ENKUR: variants seen among roughly 807,000 people sequenced by gnomAD.
ENKUR encodes the protein enkurin.
ENKUR carries 19 observed loss-of-function variants against 27.6 expected under a neutral mutation model. That is an observed-to-expected ratio of 0.69 (90% CI 0.48 to 1.01). ENKUR has a LOEUF of 1.01. ENKUR is among the 50% of genes least tolerant of loss of function. ENKUR has a pLI of 0.00. For missense variants in ENKUR, 312 were observed against 310.5 expected (o/e 1.00, Z -0.04); for synonymous variants, 117 against 96.9 (o/e 1.21, Z -1.22).
intron 1 of ENKUR, among the ~76,000 whole-genome samples, chr10:25,007,451 T>C (rs1260349420): frequency 6.6e-6 from 1 of 152,186 alleles, no homozygotes; most frequent in Non-Finnish European, 1.5e-5. Flanking sequence ...TGTTTATTTA[T>C]TGAGATGGAG....
intron 4 of ENKUR, among the ~76,000 whole-genome samples, 185 bp downstream of exon 4, chr10:24,990,278 A>G (rs1044646574): frequency 6.6e-6 from 1 of 152,224 alleles, no homozygotes; most frequent in Admixed American, 6.5e-5. Context: ...ATGAATCCCT[A>G]TATCACAACT....
At chr10:24,998,180 T>C (rs1850106724) in intron 2 of ENKUR, among the ~76,000 whole-genome samples, 1 of 152,174 alleles carries the variant, frequency 6.6e-6, no homozygotes, top group Admixed American at 6.5e-5. Flanking sequence ...TTTGTTAAAA[T>C]GTACATCGCT....
intron 2 of ENKUR, among the ~76,000 whole-genome samples, chr10:25,054,750 A>G (rs1851233835): frequency 6.7e-6 from 1 of 149,280 alleles, no homozygotes; most frequent in South Asian, 2.1e-4. Flanking sequence ...TGGTGCAATC[A>G]TGGCTCACTG....
intron 2 of ENKUR, among the ~76,000 whole-genome samples, chr10:25,058,930 TA>T (rs67424973): frequency 0.099 from 13,572 of 137,474 alleles, 1,895 homozygotes; most frequent in African/African-American, 0.31. Context: ...GACTCCATCT[TA>T]AAAAAAAAAA....
At chr10:24,992,230 G>A (rs1849944072) in intron 3 of ENKUR, among the ~76,000 whole-genome samples, 1 of 152,144 alleles carries the variant, frequency 6.6e-6, no homozygotes, top group South Asian at 2.1e-4. Context: ...TGCATTCTAT[G>A]GTGACAGAGA....
chr10:25,061,367 G>A (rs1246582482), exon 2 of ENKUR: 2 of 562,008 alleles, frequency 3.6e-6, no homozygotes, highest in Non-Finnish European at 6.3e-6. Flanking sequence ...TGCTTCATGG[G>A]CTCTGGAAGG....
At chr10:25,015,346 A>G (rs1006208425) in intron 1 of ENKUR, among the ~76,000 whole-genome samples, 2 of 152,200 alleles carry the variant, frequency 1.3e-5, no homozygotes, top group African/African-American at 4.8e-5. Flanking sequence ...ATAGTGGTAG[A>G]TATTTCGTTT....
At chr10:25,038,058 C>T (rs972930722) in intron 2 of ENKUR, among the ~76,000 whole-genome samples, 1 of 152,162 alleles carries the variant, frequency 6.6e-6, no homozygotes, top group Admixed American at 6.6e-5. Context: ...TTTTAATTTG[C>T]AGTCACTTTC....
intron 1 of ENKUR, among the ~76,000 whole-genome samples, chr10:25,000,492 CTGTT>C (rs1424607541): frequency 1.3e-5 from 2 of 152,202 alleles, no homozygotes; most frequent in East Asian, 1.9e-4. Flanking sequence ...TTTTGAAACT[CTGTT>C]TGTAGGTGCA....
intron 2 of ENKUR, chr10:25,061,095 A>G (rs1851320942): frequency 1.3e-6 from 2 of 1,535,812 alleles, no homozygotes; most frequent in Non-Finnish European, 1.7e-6. Context: ...CTGTGAACAC[A>G]AGAATGTCAG....
chr10:25,047,995 T>G (rs1180944464), intron 2 of ENKUR, among the ~76,000 whole-genome samples: 1 of 152,224 alleles, frequency 6.6e-6, no homozygotes, highest in Non-Finnish European at 1.5e-5. Flanking sequence ...ACATACAGTT[T>G]CTGAAGCATT....
intron 2 of ENKUR, among the ~76,000 whole-genome samples, chr10:25,053,285 C>T (rs1851209138): frequency 6.6e-6 from 1 of 152,146 alleles, no homozygotes; most frequent in South Asian, 2.1e-4. Context: ...AAATACTTAT[C>T]CCTTTTTGTG....
intron 1 of ENKUR, among the ~76,000 whole-genome samples, chr10:25,001,439 A>G (rs1850187480): frequency 6.6e-6 from 1 of 151,968 alleles, no homozygotes; most frequent in Non-Finnish European, 1.5e-5. Flanking sequence ...CAAATTTGAC[A>G]ATTTTTTTAC....
At chr10:25,020,276 A>ATATCTATATCTATATC (rs58705370), upstream of ENKUR, among the ~76,000 whole-genome samples, 21,117 of 149,204 alleles carry the variant, frequency 0.14, 1,938 homozygotes, top group East Asian at 0.3. Context: ...ATCTATATCT[A>ATATCTATATCTATATC]TATATATCTA....
intron 2 of ENKUR, among the ~76,000 whole-genome samples, chr10:25,031,594 C>G (rs1024463909): frequency 6.6e-6 from 1 of 152,246 alleles, no homozygotes; most frequent in African/African-American, 2.4e-5. Flanking sequence ...CTCTAATTCT[C>G]TAGAATTTTT....
At chr10:25,061,389 T>A (rs1313038527) in intron 1 of ENKUR, 2 of 476,172 alleles carry the variant, frequency 4.2e-6, no homozygotes, top group African/African-American at 4.0e-5. Context: ...GGAGTAACAG[T>A]GCACAGATGG....
chr10:25,061,235 G>T, exon 2 of ENKUR: 1 of 1,216,898 alleles, frequency 8.2e-7, no homozygotes, highest in Non-Finnish European at 1.2e-6. Context: ...ACCCTGGTTT[G>T]CAGCTATATG....
intron 2 of ENKUR, among the ~76,000 whole-genome samples, chr10:25,058,953 G>A (rs1462154310): frequency 6.6e-6 from 1 of 151,106 alleles, no homozygotes; most frequent in Non-Finnish European, 1.5e-5. Flanking sequence ...AAAGTAAGGA[G>A]GGGGAGACCC....
chr10:24,998,095 C>T (rs563014131), intron 2 of ENKUR, among the ~76,000 whole-genome samples: 2 of 152,078 alleles, frequency 1.3e-5, no homozygotes, highest in African/African-American at 4.8e-5. Context: ...AGTGCCCTCA[C>T]CTTTTTTCAT....
Sources: gnomAD v4.1 joint callset for allele counts (sites outside exome capture counted in the v4.1 genomes callset) on GRCh38, gnomAD v4.1.1 for gene constraint, MANE v1.5 for transcripts, NCBI Gene and HGNC (gene_info 2026-07-23, HGNC 2026-07-21) for gene names.